The following RAB11FIP1 variants were observed in gnomAD, a reference collection of about 807,000 sequenced individuals.
RAB11FIP1 encodes the protein RAB11 family interacting protein 1.
A neutral mutation model predicts 83.1 loss-of-function variants in RAB11FIP1; 49 were observed. The ratio of observed to expected loss-of-function variants is 0.59; its 90% CI spans 0.47 to 0.75. The LOEUF is 0.75. Among genes scored for constraint, RAB11FIP1 ranks in the 30% least tolerant of loss-of-function variants. The pLI, the probability that RAB11FIP1 is intolerant of heterozygous loss-of-function variation, is 0.00. For synonymous variants in RAB11FIP1, 670 were observed against 656.0 expected (o/e 1.02, Z -0.33); for missense variants, 1,536 against 1,598.7 (o/e 0.96, Z 0.67).
Position 37,871,990 on chromosome 8 carries a change from A to AG in RAB11FIP1, c.2811dup (p.Ser939GlufsTer2), listed in dbSNP as rs1563367108. ...TCTGAGACCAACTGAAGGTCACTCA[A>AG]GGGGTCAGACAATAAACCTTCGTGG... is the stretch of plus-strand genomic sequence containing the variant. On this transcript the variant is annotated frameshift_variant, in exon 4 of 6. Transcript: ENST00000330843. LOFTEE classifies it high-confidence loss of function. 1 of 1,614,074 alleles carries AG rather than the reference A, an allele frequency of 6.2e-7. No individual in the cohort carries two copies. The highest frequency in any genetic ancestry group is 1.3e-5 in the African/African-American group (1 of 74,940).
chr8:37,873,080 T>A lies in RAB11FIP1; in HGVS notation c.1722A>T (p.Ala574=). 1 of 1,614,004 alleles carries A rather than the reference T, an allele frequency of 6.2e-7. No individual in the cohort carries two copies. ...LPPLPSSSGQ[A]SVPSELGHGA... ...CATGTCCCAATTCAGAGGGGACAGA[T>A]GCCTGGCCAGAGCTAGAAGGAAGAG... Residue 574 remains alanine, a synonymous_variant, in exon 4 of 6, where the codon GCA becomes GCT. Transcript: ENST00000330843.
chr8:37,868,952 T>C (rs541841763), intron 5 of RAB11FIP1, among the ~76,000 whole-genome samples: 1 of 152,276 alleles, frequency 6.6e-6, no homozygotes, highest in African/African-American at 2.4e-5. Flanking sequence ...AAACAGGCTG[T>C]GCATCTTGCC....
At position 37,859,504 on chromosome 8, in the gene RAB11FIP1, T is replaced by C. The variant is rs1806193570; in HGVS notation, c.*3391A>G. 1 of 152,306 alleles carries C rather than the reference T, an allele frequency of 6.6e-6. No homozygotes were observed. The highest frequency in any genetic ancestry group is 2.4e-5 in the African/African-American group (1 of 41,458). 9.4% of individuals were successfully genotyped at this position (152,306 alleles called of 1,614,324 possible). A position where few individuals can be genotyped will look rare whatever the true frequency, so the allele number is the denominator to read the frequency against. ...AATCGGGGTCCACAGCTGTTCAGTA[T>C]GGCAAAGGGCAGACTTACTCCTTCA... is the stretch of plus-strand genomic sequence containing the variant. On this transcript the variant is annotated 3_prime_UTR_variant, in exon 6 of 6. Coordinates refer to ENST00000330843, the MANE Select transcript of RAB11FIP1 (RefSeq NM_001002814.3).
chr8:37,861,202 AG>A lies in RAB11FIP1; in HGVS notation c.*1692del, dbSNP rs1029734599. ...AAGTGCCCTAGTTAAAAAAAAAAAA[AG>A]TCTATAAATCTAGTTTTAAAAATAC... On this transcript the variant is annotated 3_prime_UTR_variant, in exon 6 of 6. Coordinates refer to ENST00000330843, the MANE Select transcript of RAB11FIP1 (RefSeq NM_001002814.3). The A allele has an allele frequency of 6.5e-6, 1 of 152,784 alleles. No homozygotes were observed. Among genetic ancestry groups the A allele is most frequent in the African/African-American group, 2.4e-5 (1 of 41,402 alleles). 9.5% of individuals were successfully genotyped at this position (152,784 alleles called of 1,614,324 possible).
intron 1 of RAB11FIP1, among the ~76,000 whole-genome samples, chr8:37,882,686 G>A (rs565420882): frequency 6.6e-5 from 10 of 152,188 alleles, no homozygotes; most frequent in African/African-American, 1.7e-4. Flanking sequence ...TCTTTCTTGC[G>A]GGAGACCAAA....
rs1455159161 is a variant in RAB11FIP1 at position 37,860,804 on chromosome 8, A to G, written c.*2091T>C. 7.9e-5 allele frequency: 12 copies of G among 152,694 alleles called. No individual in the cohort carries two copies. 9.5% of individuals were successfully genotyped at this position (152,694 alleles called of 1,614,324 possible). A position where few individuals can be genotyped will look rare whatever the true frequency, so the allele number is the denominator to read the frequency against. On this transcript the variant is annotated 3_prime_UTR_variant, in exon 6 of 6. Transcript: ENST00000330843. The stretch of plus-strand genomic sequence containing the variant: ...AAATAAAATAAAATAGCTGTAGATA[A>G]TTAAAAGCTAATTAGATAAATCAAG...
Position 37,872,018 on chromosome 8 carries a change from A to C in RAB11FIP1, c.2784T>G (p.Ser928Arg), listed in dbSNP as rs751714573. Reference sequence around the variant, plus strand: ...GGTCAGACAATAAACCTTCGTGGTCACTGGCTTTGCTCTGATACTGAGTCA... The same window carrying C: ...GGTCAGACAATAAACCTTCGTGGTCCCTGGCTTTGCTCTGATACTGAGTCA... ...ALVTQYQSKA[S>R]DHEGLLSDPL... Residue 928 changes from serine (S) to arginine (R), a missense_variant, in exon 4 of 6, where the codon AGT (serine) becomes AGG (arginine). Physicochemically the swap from Ser to Arg is moderately radical, Grantham distance 110 (BLOSUM62 -1). Transcript: ENST00000330843. 4.3e-6 allele frequency: 7 copies of C among 1,614,068 alleles called. No individual in the cohort carries two copies. The highest frequency in any genetic ancestry group is 2.7e-5 in the African/African-American group (2 of 74,938).
intron 1 of RAB11FIP1, among the ~76,000 whole-genome samples, chr8:37,885,894 G>T (rs1208599406): frequency 6.6e-6 from 1 of 152,170 alleles, no homozygotes; most frequent in Admixed American, 6.5e-5. Flanking sequence ...GATCCCAGGG[G>T]TCCTTCTGTC....
intron 1 of RAB11FIP1, among the ~76,000 whole-genome samples, chr8:37,885,775 TTGGG>T (rs1806821543): frequency 6.6e-6 from 1 of 152,222 alleles, no homozygotes; most frequent in East Asian, 1.9e-4. Context: ...GTGAAATCTC[TTGGG>T]CTTTTCAGTC....
In RAB11FIP1 at chr8:37,858,757, A is replaced by C. The variant is rs1355151233; in HGVS notation, c.*4138T>G. The stretch of plus-strand genomic sequence containing the variant: ...AAGGGTGCATCCGAAGGGACCAGAC[A>C]TGTCCGTCCTCTTTGAGAAAAAGGG... On this transcript the variant is annotated 3_prime_UTR_variant, in exon 6 of 6. Coordinates refer to ENST00000330843, the MANE Select transcript of RAB11FIP1 (RefSeq NM_001002814.3). 1 of 152,278 alleles carries C rather than the reference A, an allele frequency of 6.6e-6. No homozygotes were observed. Among genetic ancestry groups the C allele is most frequent in the African/African-American group, 2.4e-5 (1 of 41,470 alleles). 9.4% of individuals were successfully genotyped at this position (152,278 alleles called of 1,614,324 possible).
intron 1 of RAB11FIP1, among the ~76,000 whole-genome samples, chr8:37,885,290 C>T (rs1045178322): frequency 4.6e-5 from 7 of 152,250 alleles, no homozygotes; most frequent in East Asian, 1.9e-4. Flanking sequence ...CCAGAAGGCC[C>T]GGCCCCCAGC....
rs1256043522 is a variant in RAB11FIP1 at position 37,871,785 on chromosome 8, G to C, written c.3017C>G (p.Pro1006Arg). ...GGGCCCCTTTCCCCTCTCAGGACAG[G>C]GGACTACCAAGCCCAAGGACAAAGC... The part of the protein sequence containing the change: ...IGALSLGLVV[P>R]CPERGKGPSG... Residue 1006 changes from proline (P) to arginine (R), a missense_variant, in exon 4 of 6, where the codon CCC becomes CGC. By Grantham distance (103) the Pro-to-Arg change is moderately radical. Coordinates refer to ENST00000330843, the MANE Select transcript of RAB11FIP1 (RefSeq NM_001002814.3). The C allele has an allele frequency of 2.5e-6, 4 of 1,613,946 alleles. No individual in the cohort carries two copies. The highest frequency in any genetic ancestry group is 3.4e-6 in the Non-Finnish European group (4 of 1,180,010).
Position 37,862,694 on chromosome 8 carries a change from A to C in RAB11FIP1, c.*201T>G. 3.7e-6 allele frequency: 2 copies of C among 536,152 alleles called. No homozygotes were observed. The highest frequency in any genetic ancestry group is 3.1e-5 in the East Asian group (1 of 32,440). The allele number at this position is 536,152 out of a possible 1,614,324, so 33.2% of individuals were successfully genotyped here. On this transcript the variant is annotated 3_prime_UTR_variant, in exon 6 of 6. Transcript: ENST00000330843. ...AAGGCACAGTGGCATTTAAAACTAA[A>C]GCCTTGGGAATGTACAGTAAAAGAT...
chr8:37,893,697 G>A (rs141435923), intron 1 of RAB11FIP1, among the ~76,000 whole-genome samples: 1,743 of 152,196 alleles, frequency 0.011, 16 homozygotes, highest in Non-Finnish European at 0.018. Flanking sequence ...AGCTGAGCTG[G>A]GAGGATTGCT....
chr8:37,893,010 T>C (rs1343160816), intron 1 of RAB11FIP1, among the ~76,000 whole-genome samples: 1 of 152,128 alleles, frequency 6.6e-6, no homozygotes, highest in Non-Finnish European at 1.5e-5. Flanking sequence ...TCTTCTATAA[T>C]ATCCTGTCCT....
rs1806254909 is a variant in RAB11FIP1 at position 37,862,380 on chromosome 8, T to A, written c.*515A>T. 1 of 153,858 alleles carries A rather than the reference T, an allele frequency of 6.5e-6. No homozygotes were observed. Among genetic ancestry groups the A allele is most frequent in the Admixed American group, 6.4e-5 (1 of 15,566 alleles). 9.5% of individuals were successfully genotyped at this position (153,858 alleles called of 1,614,324 possible). On this transcript the variant is annotated 3_prime_UTR_variant, in exon 6 of 6. Transcript: ENST00000330843. The stretch of plus-strand genomic sequence containing the variant: ...TGAGAAGCTGGGTAGGTTTACATGG[T>A]ATCAAAATTTAACATCTGCAGCCAA...
intron 1 of RAB11FIP1, among the ~76,000 whole-genome samples, chr8:37,879,097 C>T (rs1196691662): frequency 6.6e-6 from 1 of 152,140 alleles, no homozygotes; most frequent in Non-Finnish European, 1.5e-5. Flanking sequence ...CACCTGAGGT[C>T]AGGAACTCAA....
rs950226137 is a variant in RAB11FIP1 at position 37,861,340 on chromosome 8, G to A, written c.*1555C>T. On this transcript the variant is annotated 3_prime_UTR_variant, in exon 6 of 6. Coordinates refer to ENST00000330843, the MANE Select transcript of RAB11FIP1 (RefSeq NM_001002814.3). ...ATGGAAAAAAAGCAACCATTTGAAG[G>A]CTGAGGCACCTGTTTTCTACTGACT... The A allele has an allele frequency of 8.1e-6, 2 of 245,512 alleles. No individual in the cohort carries two copies. 15.2% of individuals were successfully genotyped at this position (245,512 alleles called of 1,614,324 possible). A position where few individuals can be genotyped will look rare whatever the true frequency, so the allele number is the denominator to read the frequency against.
intron 1 of RAB11FIP1, among the ~76,000 whole-genome samples, chr8:37,896,637 T>G (rs749023974): frequency 3.3e-5 from 5 of 152,180 alleles, no homozygotes; most frequent in Non-Finnish European, 7.4e-5. Flanking sequence ...ATGCAGAGAC[T>G]GAACTCTTCC....
Sources: allele counts gnomAD v4.1 joint callset (sites outside exome capture counted in the v4.1 genomes callset), GRCh38; gene constraint gnomAD v4.1.1; transcripts MANE v1.5; gene names NCBI Gene and HGNC (gene_info 2026-07-23, HGNC 2026-07-21).